The following PRPF40B variants were observed in gnomAD, a reference collection of about 807,000 sequenced individuals.
PRPF40B encodes pre-mRNA-processing factor 40 homolog B.
PRPF40B carries 56 observed loss-of-function variants against 124.5 expected under a neutral mutation model. The ratio of observed to expected loss-of-function variants is 0.45; its 90% CI spans 0.36 to 0.56. PRPF40B has a LOEUF of 0.56. Ranked by LOEUF, PRPF40B falls within the 20% of genes least tolerant of loss-of-function variation. The pLI is 0.00. For missense variants in PRPF40B, 1,053 were observed against 1,169.5 expected (o/e 0.90, Z 1.45); for synonymous variants, 443 against 426.4 (o/e 1.04, Z -0.48).
At chr12:49,625,934 AGTTTAT>A (rs1387024014) in intron 1 of PRPF40B, among the ~76,000 whole-genome samples, 1 of 152,220 alleles carries the variant, frequency 6.6e-6, no homozygotes, top group Non-Finnish European at 1.5e-5. Flanking sequence ...GTTCTGTAGT[AGTTTAT>A]GTTTATTCCA....
At chr12:49,630,138 C>T (rs1325322250) in intron 1 of PRPF40B, among the ~76,000 whole-genome samples, 3 of 152,202 alleles carry the variant, frequency 2.0e-5, no homozygotes, top group South Asian at 4.1e-4. Context: ...AGGCGACTCC[C>T]TCCCTAGATA....
intron 4 of PRPF40B, chr12:49,632,283 T>C (rs1731156415): frequency 3.5e-6 from 2 of 576,332 alleles, no homozygotes; most frequent in South Asian, 2.3e-5. Context: ...TGCCTTCTTA[T>C]GCTATCGCTC....
rs1943021650 is a variant in PRPF40B, at chr12:49,644,015, G to A, written c.2586+11G>A. On this transcript the variant is annotated intron_variant, in intron 25 of 25. Transcript: ENST00000548825. ...ATCAAGAAGGAGAAGGTGAGGGGCA[G>A]GGGCCCTAGGCCAGTCAGCACGCTG... 1 of 1,614,160 alleles carries A rather than the reference G, an allele frequency of 6.2e-7. No individual in the cohort carries two copies. The highest frequency in any genetic ancestry group is 1.3e-5 in the African/African-American group (1 of 75,062).
At chr12:49,622,911 C>T (rs1375468521), upstream of PRPF40B, among the ~76,000 whole-genome samples, 1 of 152,230 alleles carries the variant, frequency 6.6e-6, no homozygotes. Context: ...AAGCATGTAC[C>T]TCACATTTTT....
chr12:49,632,995 T>TGGGGGGGGGCC lies in PRPF40B; in HGVS notation c.349-18_349-17insGGGGGGGGCCG. 1.5e-6 allele frequency: 2 copies of TGGGGGGGGGCC among 1,365,460 alleles called. No individual in the cohort carries two copies. Among genetic ancestry groups the TGGGGGGGGGCC allele is most frequent in the Non-Finnish European group, 2.0e-6 (2 of 979,278 alleles). 84.6% of individuals were successfully genotyped at this position (1,365,460 alleles called of 1,614,324 possible). On this transcript the variant is annotated intron_variant, in intron 6 of 25. Coordinates refer to ENST00000548825, the MANE Select transcript of PRPF40B (RefSeq NM_001031698.3). The stretch of plus-strand genomic sequence containing the variant: ...AAAAGGGGCCTTGACCACCATTCTG[T>TGGGGGGGGGCC]GCCCCCCCCCCCACCCAGAGGGCCC...
chr12:49,632,996 G>GGGGGGCCCCCCC lies in PRPF40B; in HGVS notation c.349-18_349-17insGGGGGCCCCCCC. 2 of 1,147,378 alleles carry GGGGGGCCCCCCC rather than the reference G, an allele frequency of 1.7e-6. No individual in the cohort carries two copies. Among genetic ancestry groups the GGGGGGCCCCCCC allele is most frequent in the South Asian group, 1.4e-5 (1 of 70,348 alleles). The allele number at this position is 1,147,378 out of a possible 1,614,324, so 71.1% of individuals were successfully genotyped here. On this transcript the variant is annotated splice_polypyrimidine_tract_variant and intron_variant, in intron 6 of 25. Transcript: ENST00000548825. ...AAAGGGGCCTTGACCACCATTCTGT[G>GGGGGGCCCCCCC]CCCCCCCCCCCACCCAGAGGGCCCT...
chr12:49,634,644 A>C (rs755851864), intron 12 of PRPF40B, 42 bp downstream of exon 12: 4 of 1,612,408 alleles, frequency 2.5e-6, no homozygotes, highest in Non-Finnish European at 3.4e-6. Flanking sequence ...TCATGAGAGC[A>C]GCTGTGCTAG....
intron 18 of PRPF40B, chr12:49,641,206 G>A (rs1022885718): frequency 6.6e-6 from 1 of 152,252 alleles, no homozygotes; most frequent in Non-Finnish European, 1.5e-5. Flanking sequence ...CCTGGCCTGT[G>A]GACATGTTTT....
At chr12:49,643,606 T>C in intron 23 of PRPF40B, 85 bp from the exon 24 acceptor site, 2 of 1,468,556 alleles carry the variant, frequency 1.4e-6, no homozygotes, top group Non-Finnish European at 1.8e-6. Flanking sequence ...TTCCTGCCTG[T>C]GAAGAATGAA....
rs764652476 is a variant in PRPF40B, at chr12:49,630,608, A to G, written c.67A>G (p.Met23Val). The change falls in exon 2 of 26, where the codon ATG becomes GTG. Residue 23 changes from methionine (M) to valine (V), a missense_variant. Physicochemically the swap from Met to Val is conservative, Grantham distance 21. Around this residue, in one of 2 missense-constraint regions of PRPF40B, gnomAD observed 158 missense variants for 117.3 expected, o/e 1.35. Coordinates refer to ENST00000548825, the MANE Select transcript of PRPF40B (RefSeq NM_001031698.3). ...TGCCCCCTTCCCACCGGGGCCCCCC[A>G]TGATGCCACCACCCTTCGTAAGTTT... Reference protein sequence around the residue: ...APAPFPPGPPMMPPPFMPPPG... With the variant: ...APAPFPPGPPVMPPPFMPPPG... 5.3e-6 allele frequency: 7 copies of G among 1,315,938 alleles called. No individual in the cohort carries two copies. The African/African-American group carries it at 7.3e-5, about 14-fold the overall frequency. The allele number at this position is 1,315,938 out of a possible 1,614,324, so 81.5% of individuals were successfully genotyped here. A position where few individuals can be genotyped will look rare whatever the true frequency, so the allele number is the denominator to read the frequency against.
In PRPF40B at chr12:49,642,923, C is replaced by G. The variant is rs1460701180; in HGVS notation, c.2119-7C>G. The G allele has an allele frequency of 2.5e-6, 4 of 1,612,008 alleles. No homozygotes were observed. The African/African-American group carries it at 4.0e-5, about 16-fold the overall frequency. Reference sequence around the variant, plus strand: ...TGTCCTCACCCTTCTTCCTCTGCCTCTAGCAGACTGAATGCCAGCACCTCC... The same window carrying G: ...TGTCCTCACCCTTCTTCCTCTGCCTGTAGCAGACTGAATGCCAGCACCTCC... On this transcript the variant is annotated splice_region_variant and splice_polypyrimidine_tract_variant and intron_variant, in intron 21 of 25. Transcript: ENST00000548825. This position sits in a 1 kb window ranked among gnomAD's most constrained non-coding sequence, Gnocchi z 5.8.
chr12:49,624,571 C>A (rs1022009562), intron 1 of PRPF40B, among the ~76,000 whole-genome samples: 1 of 152,154 alleles, frequency 6.6e-6, no homozygotes, highest in African/African-American at 2.4e-5. Flanking sequence ...CAACAGGGGC[C>A]GGGCGCGGTG....
chr12:49,637,172 G>T (rs1941941961), intron 16 of PRPF40B: 2 of 572,690 alleles, frequency 3.5e-6, no homozygotes, highest in East Asian at 2.9e-5. Flanking sequence ...CCTCAGCTTG[G>T]GGGTGGCAGT....
intron 18 of PRPF40B, 165 bp downstream of exon 18, chr12:49,637,989 A>G (rs569199256): frequency 2.2e-5 from 13 of 603,040 alleles, no homozygotes; most frequent in Middle Eastern, 4.3e-4. Context: ...TGAATACACA[A>G]TTTCTACCAC....
chr12:49,634,555 C>T lies in PRPF40B; in HGVS notation c.954C>T (p.Ala318=), dbSNP rs781161361. ...CATTCCAGGCTGTCCCCTCCAATGC[C>T]TCATGGGAACAGGCCATGAAGATGG... The part of the protein sequence containing the change: ...LLRDKAVPSN[A]SWEQAMKMVV... Residue 318 remains alanine (A), a synonymous_variant, in exon 12 of 26, where the codon GCC becomes GCT. Transcript: ENST00000548825. The T allele has an allele frequency of 6.2e-7, 1 of 1,614,242 alleles. No individual in the cohort carries two copies. Among genetic ancestry groups the T allele is most frequent in the South Asian group, 1.1e-5 (1 of 91,086 alleles).
At chr12:49,625,170 G>T (rs1165414973) in intron 1 of PRPF40B, among the ~76,000 whole-genome samples, 5 of 152,160 alleles carry the variant, frequency 3.3e-5, no homozygotes, top group Non-Finnish European at 7.4e-5. Context: ...ATTGTGTAAG[G>T]ATTGGGGTTA....
At chr12:49,636,414 T>C (rs1941810834) in intron 15 of PRPF40B, 2 of 448,162 alleles carry the variant, frequency 4.5e-6, no homozygotes, top group South Asian at 3.8e-5. Context: ...GCCTGATTGA[T>C]TCCCAGTTCC....
chr12:49,623,614 T>C, intron 1 of PRPF40B, 21 bp downstream of exon 1: 4 of 1,215,528 alleles, frequency 3.3e-6, no homozygotes, highest in Non-Finnish European at 3.1e-6. Context: ...CGCGCGGGGG[T>C]GGAGGGGCTC....
In PRPF40B at chr12:49,638,345, A is replaced by G. The variant is rs546134014; in HGVS notation, c.1767+521A>G. 9.2e-4 allele frequency: 141 copies of G among 154,060 alleles called. 1 individual carries two copies. Among genetic ancestry groups the G allele is most frequent in the Non-Finnish European group, 1.7e-3 (119 of 69,218 alleles). The allele number at this position is 154,060 out of a possible 1,614,324, so 9.5% of individuals were successfully genotyped here. A position where few individuals can be genotyped will look rare whatever the true frequency, so the allele number is the denominator to read the frequency against. On this transcript the variant is annotated intron_variant, in intron 18 of 25. Coordinates refer to ENST00000548825, the MANE Select transcript of PRPF40B (RefSeq NM_001031698.3). ...TCTGAATCTTTAGCTTCTCTTGTCAATATGGATTATCTAGCAGTACTGAGC... is the reference window on the plus strand; with the variant it reads ...TCTGAATCTTTAGCTTCTCTTGTCAGTATGGATTATCTAGCAGTACTGAGC...
Sources: allele counts gnomAD v4.1 joint callset (sites outside exome capture counted in the v4.1 genomes callset), GRCh38; gene constraint gnomAD v4.1.1; regional missense constraint gnomAD v4.1.1; non-coding constraint Gnocchi (gnomAD v3.1); transcripts MANE v1.5; gene names NCBI Gene and HGNC (gene_info 2026-07-23, HGNC 2026-07-21).